Variants in USP15 observed in about 807,000 individuals in gnomAD.
USP15 encodes the protein ubiquitin specific peptidase 15.
A neutral mutation model predicts 127.1 loss-of-function variants in USP15; 18 were observed. That is an observed-to-expected ratio of 0.14 (90% CI 0.10 to 0.21). USP15 has a LOEUF of 0.21. Ranked by LOEUF, USP15 falls within the 10% of genes least tolerant of loss-of-function variation. The probability of loss-of-function intolerance (pLI) is 1.00; values close to 1 mark genes in which losing one functional copy is unlikely to be tolerated. For missense variants in USP15, 805 were observed against 1,159.9 expected, an observed-to-expected ratio of 0.69 and a Z score of 4.44; for synonymous variants, 364 against 393.7, an observed-to-expected ratio of 0.92 and a Z score of 0.89.
intron 17 of USP15, among the ~76,000 whole-genome samples, 182 bp from the exon 18 acceptor site, chr12:62,392,090 T>G (rs565488020): frequency 6.6e-6 from 1 of 152,208 alleles, no homozygotes; most frequent in African/African-American, 2.4e-5. Flanking sequence ...TTGAACGTGT[T>G]TTGGTCATCC....
intron 6 of USP15, among the ~76,000 whole-genome samples, chr12:62,348,257 A>G (rs2065874804): frequency 1.3e-5 from 2 of 152,184 alleles, no homozygotes; most frequent in African/African-American, 2.4e-5. Flanking sequence ...TTTTATATTT[A>G]AAAAATTTTA....
chr12:62,275,994 TA>T (rs1385372901), intron 1 of USP15, among the ~76,000 whole-genome samples: 1 of 152,122 alleles, frequency 6.6e-6, no homozygotes, highest in Non-Finnish European at 1.5e-5. Context: ...TTGAAAACCA[TA>T]GGTCTTCAGT....
At chr12:62,307,942 C>G (rs2064534788) in intron 3 of USP15, among the ~76,000 whole-genome samples, 1 of 152,130 alleles carries the variant, frequency 6.6e-6, no homozygotes, top group Non-Finnish European at 1.5e-5. Context: ...ACCACATACA[C>G]ATAACCTTTA....
chr12:62,324,195 G>T (rs11174424), intron 5 of USP15, among the ~76,000 whole-genome samples: 46,342 of 151,550 alleles, frequency 0.31, 7,290 homozygotes, highest in African/African-American at 0.37. Flanking sequence ...AAAATTTTAT[G>T]CAGAAAATGA....
rs753314517 is a variant in USP15 at position 62,404,292 on chromosome 12, A to G, written c.2863A>G (p.Thr955Ala). The G allele has an allele frequency of 2.5e-6, 4 of 1,613,278 alleles. No individual in the cohort carries two copies. Among genetic ancestry groups the G allele is most frequent in the Non-Finnish European group, 2.5e-6 (3 of 1,179,428 alleles). The change falls in exon 22 of 22, where the codon ACT becomes GCT. Residue 955 changes from threonine (T) to alanine (A), a missense_variant. Physicochemically the swap from Thr to Ala is moderately conservative, Grantham distance 58. Coordinates refer to ENST00000280377, the MANE Select transcript of USP15 (RefSeq NM_001252078.2). ...DRETKGASAA[T>A]GIPLESDEDS... is the part of the protein sequence containing the mutation. ...AGAAACTAAAGGTGCTTCAGCTGCC[A>G]CTGGCATCCCATTAGAAAGTGATGA...
At chr12:62,328,552 TA>T (rs1454520510) in intron 6 of USP15, 1 of 213,864 alleles carries the variant, frequency 4.7e-6, no homozygotes, top group Non-Finnish European at 1.0e-5. Flanking sequence ...AAAAAAAATC[TA>T]AGTTTATTAG....
At chr12:62,316,873 C>A (rs1284681776) in intron 4 of USP15, among the ~76,000 whole-genome samples, 2 of 152,074 alleles carry the variant, frequency 1.3e-5, no homozygotes, top group Non-Finnish European at 2.9e-5. Context: ...AAAAAGTTTA[C>A]AATCTAGCAT....
At chr12:62,305,351 T>A (rs573988145) in intron 3 of USP15, among the ~76,000 whole-genome samples, 1 of 152,258 alleles carries the variant, frequency 6.6e-6, no homozygotes, top group African/African-American at 2.4e-5. Context: ...AAATAATGAT[T>A]TCTCAAGAGA....
intron 6 of USP15, among the ~76,000 whole-genome samples, chr12:62,329,329 C>G (rs572360110): frequency 3.8e-4 from 58 of 152,294 alleles, no homozygotes; most frequent in African/African-American, 1.4e-3. Flanking sequence ...CAAGATCGTG[C>G]CACTGCACTC....
rs553401729 is a variant in USP15 at position 62,265,882 on chromosome 12, T to A, written c.89+5379T>A. 1.3e-3 allele frequency among the ~76,000 whole-genome samples: 196 copies of A among 152,310 alleles called. 1 individual carries two copies. In the Middle Eastern group the frequency reaches 0.031, roughly 24 times the overall value. ...TCTCTTATTTTAAAGATTCATTTTT[T>A]AAAAAGTAGATTCACTTTAAAAAGA... On this transcript the variant is annotated intron_variant, in intron 1 of 21. Transcript: ENST00000280377.
intron 8 of USP15, among the ~76,000 whole-genome samples, chr12:62,375,493 G>A (rs2066798633): frequency 1.3e-5 from 2 of 152,096 alleles, no homozygotes; most frequent in African/African-American, 4.8e-5. Flanking sequence ...AGACCCTGAG[G>A]TACAAGGGTG....
At chr12:62,275,214 T>G (rs1295078496) in intron 1 of USP15, among the ~76,000 whole-genome samples, 2 of 152,100 alleles carry the variant, frequency 1.3e-5, no homozygotes, top group African/African-American at 4.8e-5. Context: ...TGACATGGAC[T>G]AATAGGAATT....
chr12:62,382,350 G>C (rs995517153), intron 9 of USP15, among the ~76,000 whole-genome samples: 2 of 151,916 alleles, frequency 1.3e-5, no homozygotes, highest in African/African-American at 4.8e-5. Context: ...AACTTGTAGA[G>C]AGAATAAGCA....
intron 19 of USP15, among the ~76,000 whole-genome samples, chr12:62,394,088 A>G (rs915913757): frequency 2.0e-5 from 3 of 152,224 alleles, no homozygotes; most frequent in African/African-American, 7.2e-5. Flanking sequence ...GATACAAAGA[A>G]GTCTGTATAC....
rs1243533831 is a variant in USP15 at position 62,414,295 on chromosome 12, A to G, written c.*9920A>G. 1 of 152,188 alleles carries G rather than the reference A, an allele frequency of 6.6e-6. No homozygotes were observed. Among genetic ancestry groups the G allele is most frequent in the Non-Finnish European group, 1.5e-5 (1 of 68,030 alleles). The allele number at this position is 152,188 out of a possible 1,614,324, so 9.4% of individuals were successfully genotyped here. ...AAAAAACAAAAACAATTATCTTCAAAGCATGATAATAAAGTGAAGCAGAAT... is the reference window on the plus strand; with the variant it reads ...AAAAAACAAAAACAATTATCTTCAAGGCATGATAATAAAGTGAAGCAGAAT... On this transcript the variant is annotated 3_prime_UTR_variant, in exon 22 of 22. Coordinates refer to ENST00000280377, the MANE Select transcript of USP15 (RefSeq NM_001252078.2).
chr12:62,367,450 A>G (rs951469372), intron 8 of USP15, among the ~76,000 whole-genome samples: 7 of 152,032 alleles, frequency 4.6e-5, no homozygotes, highest in Admixed American at 1.3e-4. Context: ...GATGGTCTCG[A>G]TCTCCTGACC....
At chr12:62,371,092 C>T (rs886296525) in intron 8 of USP15, among the ~76,000 whole-genome samples, 1 of 152,134 alleles carries the variant, frequency 6.6e-6, no homozygotes, top group Non-Finnish European at 1.5e-5. Flanking sequence ...CCATTGAATA[C>T]AGTGCTTCCA....
At chr12:62,277,080 A>G (rs2063514206) in intron 1 of USP15, among the ~76,000 whole-genome samples, 1 of 151,062 alleles carries the variant, frequency 6.6e-6, no homozygotes, top group African/African-American at 2.4e-5. Flanking sequence ...GTATCTATAC[A>G]TAACTTCTGT....
intron 8 of USP15, among the ~76,000 whole-genome samples, chr12:62,367,151 A>G (rs1277396497): frequency 6.6e-6 from 1 of 152,162 alleles, no homozygotes; most frequent in African/African-American, 2.4e-5. Context: ...TCGGCTATGA[A>G]TACATGTGGT....
Sources: gnomAD v4.1 joint callset for allele counts (sites outside exome capture counted in the v4.1 genomes callset) on GRCh38, gnomAD v4.1.1 for gene constraint, MANE v1.5 for transcripts, NCBI Gene and HGNC (gene_info 2026-07-23, HGNC 2026-07-21) for gene names.